The following AKAP19 variants were observed in gnomAD, a reference collection of about 807,000 sequenced individuals.
AKAP19 encodes the protein small A-kinase anchoring protein.
the AKAP19 span, among the ~76,000 whole-genome samples, chr2:190,004,806 A>G: frequency 2.0e-5 from 3 of 152,260 alleles, no homozygotes; most frequent in African/African-American, 4.8e-5. Flanking sequence ...CACAAGGGAA[A>G]GGCACCATTT....
chr2:190,187,904 A>C, the AKAP19 span, among the ~76,000 whole-genome samples: 10 of 152,144 alleles, frequency 6.6e-5, no homozygotes, highest in Non-Finnish European at 1.5e-4. Flanking sequence ...TCTTTGACGG[A>C]CCCAACAGAA....
the AKAP19 span, among the ~76,000 whole-genome samples, chr2:190,092,403 ATAAGTCCTGGGTCTCGGGGG>A: frequency 1.3e-5 from 2 of 151,790 alleles, no homozygotes; most frequent in Non-Finnish European, 2.9e-5. Flanking sequence ...CTTATGTTCT[ATAAGTCCTGGGTCTCGGGGG>A]TAAGGGCACA....
the AKAP19 span, among the ~76,000 whole-genome samples, chr2:189,970,252 T>C: frequency 3.3e-5 from 5 of 152,210 alleles, no homozygotes; most frequent in Non-Finnish European, 2.9e-5. Context: ...TATAACACAA[T>C]GAATACCTAT....
At chr2:189,936,280 A>ACG in the AKAP19 span, among the ~76,000 whole-genome samples, 1 of 151,804 alleles carries the variant, frequency 6.6e-6, no homozygotes, top group African/African-American at 2.4e-5. Context: ...ACACACACAC[A>ACG]CACACGGCTA....
chr2:189,918,539 T>A, the AKAP19 span, among the ~76,000 whole-genome samples: 1 of 152,186 alleles, frequency 6.6e-6, no homozygotes, highest in Non-Finnish European at 1.5e-5. Context: ...GTGGAGAAAT[T>A]GTAACACTCA....
the AKAP19 span, among the ~76,000 whole-genome samples, chr2:190,087,533 T>C: frequency 6.6e-6 from 1 of 152,222 alleles, no homozygotes; most frequent in East Asian, 1.9e-4. Flanking sequence ...ACAGATATTC[T>C]CACTCTGCTT....
At chr2:190,062,144 C>T in the AKAP19 span, 2 of 1,511,850 alleles carry the variant, frequency 1.3e-6, no homozygotes, top group Middle Eastern at 1.7e-4. Flanking sequence ...TTTAAAAGAG[C>T]CTGAAAATAG....
the AKAP19 span, among the ~76,000 whole-genome samples, chr2:190,003,604 C>T: frequency 1.3e-5 from 2 of 152,096 alleles, no homozygotes; most frequent in Admixed American, 6.5e-5. Context: ...TGGCTCACGC[C>T]TGTAATTCCA....
chr2:189,964,480 C>T, the AKAP19 span, among the ~76,000 whole-genome samples: 1 of 152,204 alleles, frequency 6.6e-6, no homozygotes, highest in Non-Finnish European at 1.5e-5. Context: ...TGTTTCCAAG[C>T]ACTGACTTCG....
chr2:190,098,182 A>T, the AKAP19 span, among the ~76,000 whole-genome samples: 389 of 152,258 alleles, frequency 2.6e-3, 4 homozygotes, highest in African/African-American at 8.6e-3. Flanking sequence ...CTTTGCCCAG[A>T]TTTATCAGAG....
the AKAP19 span, among the ~76,000 whole-genome samples, chr2:189,972,837 C>G: frequency 6.6e-6 from 1 of 152,148 alleles, no homozygotes; most frequent in Non-Finnish European, 1.5e-5. Context: ...GATTTTGTAT[C>G]CTGAGACCTT....
chr2:190,093,509 TG>T, the AKAP19 span, among the ~76,000 whole-genome samples: 4 of 152,092 alleles, frequency 2.6e-5, no homozygotes, highest in Non-Finnish European at 5.9e-5. Flanking sequence ...AAATAAACAT[TG>T]TTGGGTGACT....
chr2:190,158,817 A>G, the AKAP19 span, among the ~76,000 whole-genome samples: 23 of 152,356 alleles, frequency 1.5e-4, no homozygotes, highest in East Asian at 4.4e-3. Context: ...GCCTCACAGA[A>G]GCAGGGGAAA....
chr2:189,928,563 G>A, the AKAP19 span, among the ~76,000 whole-genome samples: 2 of 152,024 alleles, frequency 1.3e-5, no homozygotes, highest in African/African-American at 4.8e-5. Flanking sequence ...AGAAATTTAA[G>A]CAAGATACAT....
chr2:190,036,637 A>G, the AKAP19 span, among the ~76,000 whole-genome samples: 1 of 151,908 alleles, frequency 6.6e-6, no homozygotes, highest in South Asian at 2.1e-4. Flanking sequence ...ATTTAAGTCT[A>G]TGGCATATTT....
chr2:190,123,807 G>A, the AKAP19 span, among the ~76,000 whole-genome samples: 1 of 152,208 alleles, frequency 6.6e-6, no homozygotes, highest in Non-Finnish European at 1.5e-5. Context: ...GAGGAGATTA[G>A]CATGTGAGTC....
At chr2:189,912,379 A>T in the AKAP19 span, among the ~76,000 whole-genome samples, 1 of 152,086 alleles carries the variant, frequency 6.6e-6, no homozygotes, top group East Asian at 1.9e-4. Flanking sequence ...TTTCTCTACT[A>T]AAAATACAAA....
At chr2:190,203,371 T>C in the AKAP19 span, 15 of 167,098 alleles carry the variant, frequency 9.0e-5, no homozygotes, top group Non-Finnish European at 2.1e-4. Context: ...TTAAGTTTTA[T>C]TAGCAAATCC....
chr2:190,192,934 A>G, the AKAP19 span, among the ~76,000 whole-genome samples: 2 of 152,172 alleles, frequency 1.3e-5, no homozygotes, highest in Non-Finnish European at 2.9e-5. Context: ...AATTTTCTCT[A>G]TACAATTTTG....
Sources: allele counts gnomAD v4.1 joint callset (sites outside exome capture counted in the v4.1 genomes callset), GRCh38; gene constraint gnomAD v4.1.1; transcripts MANE v1.5; gene names NCBI Gene and HGNC (gene_info 2026-07-23, HGNC 2026-07-21).